The following CFAP77 variants were observed in gnomAD, a reference collection of about 807,000 sequenced individuals.
CFAP77 encodes cilia and flagella associated protein 77.
Under a neutral mutation model 31.1 loss-of-function variants are expected in CFAP77, and 25 were observed. That is an observed-to-expected ratio of 0.80 (90% CI 0.59 to 1.12). The LOEUF (loss-of-function observed/expected upper bound fraction) is 1.12, where lower values mean the gene tolerates loss of function less well. Among genes scored for constraint, CFAP77 ranks in the 50% most tolerant of loss-of-function variants. CFAP77 has a pLI of 0.00. For missense variants in CFAP77, 377 were observed against 397.3 expected (o/e 0.95, Z 0.44); for synonymous variants, 151 against 159.9 (o/e 0.94, Z 0.42).
At chr9:132,458,141 A>G (rs1850954742) in intron 1 of CFAP77, among the ~76,000 whole-genome samples, 1 of 152,178 alleles carries the variant, frequency 6.6e-6, no homozygotes, top group South Asian at 2.1e-4. Context: ...TGCGTGTGAG[A>G]TCCGGGGCGA....
chr9:132,462,294 A>G lies in CFAP77; in HGVS notation c.196-36401A>G, dbSNP rs1359100089. Reference sequence around the variant, plus strand: ...TCTGGAATAATTCTAAGTACGTGCAAGTGGTCCTGCTCCTCCGTTTGTTTG... The same window carrying G: ...TCTGGAATAATTCTAAGTACGTGCAGGTGGTCCTGCTCCTCCGTTTGTTTG... On this transcript the variant is annotated intron_variant, in intron 1 of 5. Coordinates refer to ENST00000393216, the MANE Select transcript of CFAP77 (RefSeq NM_001282957.2). Among the ~76,000 whole-genome samples the G allele has an allele frequency of 2.0e-5, 3 of 152,082 alleles. No individual in the cohort carries two copies. In the East Asian group the frequency reaches 5.8e-4, roughly 29 times the overall value.
chr9:132,470,809 G>A (rs1040764464), intron 1 of CFAP77, among the ~76,000 whole-genome samples: 9 of 152,154 alleles, frequency 5.9e-5, no homozygotes, highest in Non-Finnish European at 1.0e-4. Flanking sequence ...AGGAGTTCCA[G>A]ACCAGCCTGG....
intron 1 of CFAP77, among the ~76,000 whole-genome samples, chr9:132,421,030 CAG>C (rs1241448970): frequency 8.6e-6 from 1 of 115,784 alleles, no homozygotes; most frequent in Non-Finnish European, 1.7e-5. Context: ...TTTTTTGAGA[CAG>C]AGTCTCGCTT....
intron 1 of CFAP77, among the ~76,000 whole-genome samples, chr9:132,488,259 G>A (rs1851596009): frequency 1.3e-5 from 2 of 152,258 alleles, no homozygotes; most frequent in South Asian, 2.1e-4. Flanking sequence ...CTCAGGCATC[G>A]AGCTCCCTGA....
In CFAP77 at chr9:132,480,631, A is replaced by AG. The variant is rs1851428390; in HGVS notation, c.196-18063dup. ...CATTTGAATGATCCATTCATCTCAA[A>AG]GACGTGGGTCCAGGAAGGAAAATAG... On this transcript the variant is annotated intron_variant, in intron 1 of 5. Transcript: ENST00000393216. This position sits in a 1 kb window ranked among gnomAD's most constrained non-coding sequence, Gnocchi z 5.8. 6.6e-6 allele frequency among the ~76,000 whole-genome samples: 1 copy of AG among 152,236 alleles called. No homozygotes were observed. The highest frequency in any genetic ancestry group is 1.5e-5 in the Non-Finnish European group (1 of 68,048).
chr9:132,465,478 A>G (rs1292769692), intron 1 of CFAP77, among the ~76,000 whole-genome samples: 4 of 152,138 alleles, frequency 2.6e-5, no homozygotes, highest in African/African-American at 4.8e-5. Context: ...TGGGCCTTTG[A>G]TCTATGTTTG....
At chr9:132,417,117 T>C (rs1446388014) in intron 1 of CFAP77, among the ~76,000 whole-genome samples, 46 of 124,614 alleles carry the variant, frequency 3.7e-4, no homozygotes, top group African/African-American at 1.6e-3. Context: ...TTTCTTTTTT[T>C]CTTTTTTTTT....
intron 1 of CFAP77, among the ~76,000 whole-genome samples, chr9:132,473,565 T>A (rs1851297761): frequency 6.6e-6 from 1 of 152,044 alleles, no homozygotes; most frequent in Non-Finnish European, 1.5e-5. Flanking sequence ...GTGGAGAGGG[T>A]GGTTCCAGGC....
chr9:132,432,339 A>T (rs1316517354), intron 1 of CFAP77, among the ~76,000 whole-genome samples: 1 of 152,090 alleles, frequency 6.6e-6, no homozygotes, highest in Non-Finnish European at 1.5e-5. Flanking sequence ...TGAGGGCTTT[A>T]CATGGGAGGA....
intron 3 of CFAP77, 102 bp from the exon 4 acceptor site, chr9:132,537,499 A>G: frequency 1.3e-6 from 1 of 772,436 alleles, no homozygotes; most frequent in Non-Finnish European, 2.2e-6. Flanking sequence ...GATGTACCCC[A>G]CAGCCCCTGA....
intron 1 of CFAP77, among the ~76,000 whole-genome samples, chr9:132,496,712 C>T (rs1851748819): frequency 1.3e-5 from 2 of 152,194 alleles, no homozygotes; most frequent in South Asian, 4.1e-4. Flanking sequence ...TGCTGTGGTG[C>T]CACCATATAA....
chr9:132,432,398 G>A (rs1490837512), intron 1 of CFAP77, among the ~76,000 whole-genome samples: 3 of 152,174 alleles, frequency 2.0e-5, no homozygotes, highest in Non-Finnish European at 2.9e-5. Flanking sequence ...TGACAGTCTT[G>A]TTGGGAGCCA....
intron 3 of CFAP77, among the ~76,000 whole-genome samples, chr9:132,512,360 A>G (rs1407377872): frequency 1.3e-5 from 2 of 152,204 alleles, no homozygotes; most frequent in Non-Finnish European, 2.9e-5. Context: ...CTTTAATGTA[A>G]TTACATCTGC....
chr9:132,451,998 G>T (rs1416874649), intron 1 of CFAP77, among the ~76,000 whole-genome samples: 1 of 151,910 alleles, frequency 6.6e-6, no homozygotes, highest in Non-Finnish European at 1.5e-5. Flanking sequence ...TAGAGACGGG[G>T]TTTCACTGTT....
intron 3 of CFAP77, among the ~76,000 whole-genome samples, chr9:132,525,995 T>C (rs1852353322): frequency 6.6e-6 from 1 of 152,234 alleles, no homozygotes; most frequent in African/African-American, 2.4e-5. Context: ...TTTTCATTCA[T>C]TCATTGAAGG....
At chr9:132,531,354 C>T (rs1044338468) in intron 3 of CFAP77, among the ~76,000 whole-genome samples, 1 of 152,118 alleles carries the variant, frequency 6.6e-6, no homozygotes, top group African/African-American at 2.4e-5. Context: ...AGCAAACAAA[C>T]CAATGAATGA....
At position 132,499,672 on chromosome 9, in the gene CFAP77, G is replaced by A. The variant is rs1441318516; in HGVS notation, c.524+72G>A. Reference sequence around the variant, plus strand: ...TACCAGCTCAATCAGGGACAAGGTCGGAGGGTGACAGGGAAGTGGAGCATC... The same window carrying A: ...TACCAGCTCAATCAGGGACAAGGTCAGAGGGTGACAGGGAAGTGGAGCATC... On this transcript the variant is annotated intron_variant, in intron 3 of 5. Transcript: ENST00000393216. This position sits in a 1 kb window ranked among gnomAD's most constrained non-coding sequence, Gnocchi z 5.4. 31 of 1,405,604 alleles carry A rather than the reference G, an allele frequency of 2.2e-5. No individual in the cohort carries two copies. The highest frequency in any genetic ancestry group is 6.9e-5 in the East Asian group (3 of 43,408). The allele number at this position is 1,405,604 out of a possible 1,614,324, so 87.1% of individuals were successfully genotyped here. A position where few individuals can be genotyped will look rare whatever the true frequency, so the allele number is the denominator to read the frequency against.
chr9:132,410,471 G>A lies in CFAP77; in HGVS notation c.195+5G>A. 3 of 1,571,250 alleles carry A rather than the reference G, an allele frequency of 1.9e-6. No homozygotes were observed. Among genetic ancestry groups the A allele is most frequent in the Non-Finnish European group, 2.6e-6 (3 of 1,162,552 alleles). On this transcript the variant is annotated splice_donor_5th_base_variant and intron_variant, in intron 1 of 5. Transcript: ENST00000393216. ...CAGAACCCTCTCATCGTCAAGGTGA[G>A]CACCCCACGCCCACCGCGCTTTCGC...
intron 1 of CFAP77, among the ~76,000 whole-genome samples, chr9:132,465,936 C>T (rs1402220116): frequency 1.3e-5 from 2 of 152,162 alleles, no homozygotes; most frequent in African/African-American, 4.8e-5. Context: ...GGAGGAAGGG[C>T]CTGCACCAGA....
Sources: gnomAD v4.1 joint callset for allele counts (sites outside exome capture counted in the v4.1 genomes callset) on GRCh38, gnomAD v4.1.1 for gene constraint, Gnocchi (gnomAD v3.1) non-coding constraint, MANE v1.5 for transcripts, NCBI Gene and HGNC (gene_info 2026-07-23, HGNC 2026-07-21) for gene names.